The following ARL6IP6 variants were observed in gnomAD, a reference collection of about 807,000 sequenced individuals.
ARL6IP6 encodes ARF like GTPase 6 interacting protein 6.
ARL6IP6 carries 22 observed loss-of-function variants against 21.5 expected under a neutral mutation model. The ratio of observed to expected loss-of-function variants is 1.02; its 90% CI spans 0.73 to 1.46. The LOEUF is 1.46. Ranked by LOEUF, ARL6IP6 falls within the 40% of genes most tolerant of loss-of-function variation. The probability of loss-of-function intolerance (pLI) is 0.00; values close to 1 mark genes in which losing one functional copy is unlikely to be tolerated. For missense variants in ARL6IP6, 388 were observed against 299.8 expected, an observed-to-expected ratio of 1.29 and a Z score of -2.17; for synonymous variants, 164 against 125.3, an observed-to-expected ratio of 1.31 and a Z score of -2.06.
chr2:152,758,049 C>G (rs1316285367), intron 3 of ARL6IP6, among the ~76,000 whole-genome samples: 1 of 152,144 alleles, frequency 6.6e-6, no homozygotes, highest in Non-Finnish European at 1.5e-5. Flanking sequence ...GTACAGTCAT[C>G]CCCCTTTATC....
intron 2 of ARL6IP6, among the ~76,000 whole-genome samples, chr2:152,722,416 A>C (rs747407147): frequency 2.0e-5 from 3 of 152,226 alleles, no homozygotes; most frequent in Non-Finnish European, 4.4e-5. Context: ...CAGTGGTCAG[A>C]TGGAGAATAA....
intron 3 of ARL6IP6, among the ~76,000 whole-genome samples, chr2:152,742,723 A>G (rs1700874606): frequency 6.6e-6 from 1 of 152,110 alleles, no homozygotes; most frequent in African/African-American, 2.4e-5. Context: ...CTACCTTTTA[A>G]GCTAATATTC....
chr2:152,724,293 T>C (rs915188522), intron 2 of ARL6IP6, among the ~76,000 whole-genome samples: 1 of 152,200 alleles, frequency 6.6e-6, no homozygotes, highest in Admixed American at 6.5e-5. Flanking sequence ...TAGAGAATAA[T>C]GTTTCAGTAA....
At chr2:152,734,374 A>T (rs1049629327) in intron 2 of ARL6IP6, among the ~76,000 whole-genome samples, 1 of 152,246 alleles carries the variant, frequency 6.6e-6, no homozygotes, top group Non-Finnish European at 1.5e-5. Context: ...TAAAGAGGGG[A>T]TACCCCCAAA....
intron 1 of ARL6IP6, 152 bp downstream of exon 1, chr2:152,719,176 C>T: frequency 1.1e-6 from 1 of 884,572 alleles, no homozygotes; most frequent in Non-Finnish European, 1.6e-6. Flanking sequence ...ACTTTGCTCT[C>T]CCGCCCTTTG....
chr2:152,735,313 A>G (rs992189950), intron 3 of ARL6IP6, among the ~76,000 whole-genome samples, 187 bp downstream of exon 3: 2 of 152,180 alleles, frequency 1.3e-5, no homozygotes, highest in African/African-American at 4.8e-5. Flanking sequence ...TTAAAATTCT[A>G]TATCTAGATA....
At chr2:152,734,015 A>G (rs1438279393) in intron 2 of ARL6IP6, among the ~76,000 whole-genome samples, 1 of 152,186 alleles carries the variant, frequency 6.6e-6, no homozygotes, top group African/African-American at 2.4e-5. Context: ...ACTTCTTACT[A>G]AAGGGAGTTG....
At chr2:152,756,933 T>A (rs940228638) in intron 3 of ARL6IP6, among the ~76,000 whole-genome samples, 3 of 152,112 alleles carry the variant, frequency 2.0e-5, no homozygotes, top group Non-Finnish European at 4.4e-5. Flanking sequence ...GAGAAATAAG[T>A]GCAGATTCCC....
rs67760283 is a variant in ARL6IP6, at chr2:152,746,001, C to CTTTTTTTTTTTTTTT, written c.587+10894_587+10908dup. On this transcript the variant is annotated intron_variant, in intron 3 of 3. Coordinates refer to ENST00000326446, the MANE Select transcript of ARL6IP6 (RefSeq NM_152522.7). ...CAGCTAATGAGTGCTTGCTTTGTAC[C>CTTTTTTTTTTTTTTT]TTTTTTTTTTTTTTTTTTTTTTTTT... is the stretch of plus-strand genomic sequence containing the variant. Among the ~76,000 whole-genome samples, 15 of 66,374 alleles carry CTTTTTTTTTTTTTTT rather than the reference C, an allele frequency of 2.3e-4. 1 individual carries two copies. Among genetic ancestry groups the CTTTTTTTTTTTTTTT allele is most frequent in the Non-Finnish European group, 3.1e-4 (13 of 41,766 alleles). 43.5% of individuals were successfully genotyped at this position (66,374 alleles called of 152,430 possible). A position where few individuals can be genotyped will look rare whatever the true frequency, so the allele number is the denominator to read the frequency against.
At chr2:152,733,706 T>C (rs1489740319) in intron 2 of ARL6IP6, among the ~76,000 whole-genome samples, 6 of 152,360 alleles carry the variant, frequency 3.9e-5, no homozygotes, top group Admixed American at 1.3e-4. Context: ...AAGAAAAATA[T>C]GCTTACATTT....
chr2:152,752,584 C>T (rs888922072), intron 3 of ARL6IP6, among the ~76,000 whole-genome samples: 3 of 152,186 alleles, frequency 2.0e-5, no homozygotes, highest in Admixed American at 6.5e-5. Context: ...CCCGAGCAAG[C>T]GGCTCAAGGG....
At chr2:152,747,817 C>T (rs1402030408) in intron 3 of ARL6IP6, among the ~76,000 whole-genome samples, 1 of 151,990 alleles carries the variant, frequency 6.6e-6, no homozygotes. Flanking sequence ...GTGATCCACC[C>T]GCCTTGGCCT....
At chr2:152,722,099 A>G (rs542130513) in intron 2 of ARL6IP6, among the ~76,000 whole-genome samples, 92 of 152,342 alleles carry the variant, frequency 6.0e-4, no homozygotes, top group African/African-American at 2.1e-3. Flanking sequence ...TAGGAGTAGA[A>G]TGACGGGCAG....
At chr2:152,751,185 G>C (rs553665728) in intron 3 of ARL6IP6, among the ~76,000 whole-genome samples, 2 of 147,068 alleles carry the variant, frequency 1.4e-5, no homozygotes, top group East Asian at 4.0e-4. Context: ...ATCTGATCAA[G>C]TTTCCCACGT....
At chr2:152,735,485 A>G (rs1700510004) in intron 3 of ARL6IP6, among the ~76,000 whole-genome samples, 2 of 152,356 alleles carry the variant, frequency 1.3e-5, no homozygotes, top group South Asian at 4.1e-4. Context: ...ACATGGTCAG[A>G]CTTACAAGAA....
At position 152,760,804 on chromosome 2, in the gene ARL6IP6, C is replaced by T. The variant is rs1701807463; in HGVS notation, c.*964C>T. 6.6e-6 allele frequency: 1 copy of T among 151,540 alleles called. No individual in the cohort carries two copies. The highest frequency in any genetic ancestry group is 2.4e-5 in the African/African-American group (1 of 41,264). 9.4% of individuals were successfully genotyped at this position (151,540 alleles called of 1,614,324 possible). A position where few individuals can be genotyped will look rare whatever the true frequency, so the allele number is the denominator to read the frequency against. ...ATGATTGAACTAGTTTGTTCTTAAT[C>T]TCAAAAATTTAGTTACCAAAGTAGA... On this transcript the variant is annotated 3_prime_UTR_variant, in exon 4 of 4. Transcript: ENST00000326446.
chr2:152,741,120 A>G (rs922274186), intron 3 of ARL6IP6, among the ~76,000 whole-genome samples: 1 of 152,122 alleles, frequency 6.6e-6, no homozygotes, highest in African/African-American at 2.4e-5. Flanking sequence ...ATCACCTAAA[A>G]TAAGCAATAA....
At chr2:152,720,969 T>G (rs1170366280) in intron 2 of ARL6IP6, among the ~76,000 whole-genome samples, 1 of 152,112 alleles carries the variant, frequency 6.6e-6, no homozygotes, top group East Asian at 1.9e-4. Context: ...TCACTCATGT[T>G]TGTAGTCCCA....
At chr2:152,719,124 A>G (rs916833649) in intron 1 of ARL6IP6, 100 bp downstream of exon 1, 16 of 1,336,296 alleles carry the variant, frequency 1.2e-5, no homozygotes, top group Non-Finnish European at 1.5e-5. Context: ...CTAAGCCCTC[A>G]GGCTGGCAGC....
Sources: allele counts gnomAD v4.1 joint callset (sites outside exome capture counted in the v4.1 genomes callset), GRCh38; gene constraint gnomAD v4.1.1; transcripts MANE v1.5; gene names NCBI Gene and HGNC (gene_info 2026-07-23, HGNC 2026-07-21).